The following RBFOX1 variants were observed in gnomAD, a reference collection of about 807,000 sequenced individuals.
RBFOX1 encodes the protein RNA binding fox-1 homolog 1.
RBFOX1 carries 8 observed loss-of-function variants against 57.7 expected under a neutral mutation model. That is an observed-to-expected ratio of 0.14 (90% confidence interval 0.08 to 0.25). RBFOX1 has a LOEUF of 0.25. Among genes scored for constraint, RBFOX1 ranks in the 10% least tolerant of loss-of-function variants. The pLI, the probability that RBFOX1 is intolerant of heterozygous loss-of-function variation, is 1.00. For missense variants in RBFOX1, 611 were observed against 548.5 expected (o/e 1.11, Z -1.14); for synonymous variants, 326 against 222.4 (o/e 1.47, Z -4.15).
intron 12 of RBFOX1, among the ~76,000 whole-genome samples, chr16:7,660,330 G>A (rs56848641): frequency 0.017 from 2,641 of 152,256 alleles, 32 homozygotes; most frequent in South Asian, 0.032. Flanking sequence ...ATGGCTAGAC[G>A]GACCATCTCT....
At chr16:5,671,270 G>A (rs898607486) in intron 3 of RBFOX1, among the ~76,000 whole-genome samples, 1 of 152,180 alleles carries the variant, frequency 6.6e-6, no homozygotes, top group Admixed American at 6.5e-5. Flanking sequence ...TTCACTAAAT[G>A]CGGTTCTGAA....
intron 4 of RBFOX1, among the ~76,000 whole-genome samples, chr16:7,508,011 G>C: frequency 6.6e-6 from 1 of 151,158 alleles, no homozygotes; most frequent in Admixed American, 6.6e-5. Context: ...TTTTGAGATG[G>C]AGTCTCACCC....
intron 3 of RBFOX1, among the ~76,000 whole-genome samples, chr16:6,895,444 G>GTATATATATATATA (rs1341028814): frequency 6.8e-5 from 5 of 73,472 alleles, no homozygotes; most frequent in East Asian, 4.7e-4. Context: ...GTGTGTGTGT[G>GTATATATATATATA]TGTGTATATA....
chr16:7,179,939 C>T (rs936902249), intron 4 of RBFOX1, among the ~76,000 whole-genome samples: 3 of 151,408 alleles, frequency 2.0e-5, no homozygotes, highest in African/African-American at 4.9e-5. Context: ...GATGGGGTTT[C>T]GCCATGTTTG....
intron 2 of RBFOX1, among the ~76,000 whole-genome samples, chr16:5,549,490 C>T (rs574438058): frequency 1.3e-5 from 2 of 152,128 alleles, no homozygotes; most frequent in African/African-American, 2.4e-5. Flanking sequence ...AATGACATAG[C>T]GAGTAAGATA....
intron 4 of RBFOX1, among the ~76,000 whole-genome samples, chr16:7,139,247 T>A (rs1395154624): frequency 1.3e-4 from 19 of 151,744 alleles, no homozygotes; most frequent in Non-Finnish European, 1.5e-5. Context: ...CTCTTCTCTT[T>A]CTTTTTCTAT....
chr16:7,201,077 T>A (rs2088271864), intron 4 of RBFOX1, among the ~76,000 whole-genome samples: 1 of 152,174 alleles, frequency 6.6e-6, no homozygotes, highest in African/African-American at 2.4e-5. Context: ...GAATCACAAA[T>A]ATAAATTTAT....
At chr16:5,686,403 G>T (rs2050506027) in intron 3 of RBFOX1, among the ~76,000 whole-genome samples, 1 of 152,158 alleles carries the variant, frequency 6.6e-6, no homozygotes, top group African/African-American at 2.4e-5. Flanking sequence ...TTTGAGAATA[G>T]AAGAAAGACT....
chr16:5,309,839 A>G (rs1457857105), intron 1 of RBFOX1, among the ~76,000 whole-genome samples: 2 of 152,224 alleles, frequency 1.3e-5, no homozygotes, highest in Non-Finnish European at 2.9e-5. Flanking sequence ...TCTGACCCTC[A>G]AAGACTTTGT....
chr16:6,945,615 G>C (rs986568891), intron 3 of RBFOX1, among the ~76,000 whole-genome samples: 1 of 152,060 alleles, frequency 6.6e-6, no homozygotes, highest in Non-Finnish European at 1.5e-5. Context: ...TGCTGGCTAG[G>C]CTCGGTGGCT....
intron 5 of RBFOX1, among the ~76,000 whole-genome samples, chr16:7,552,913 C>T (rs982931568): frequency 6.6e-6 from 1 of 152,020 alleles, no homozygotes; most frequent in Non-Finnish European, 1.5e-5. Flanking sequence ...AAACTGCCGA[C>T]CTCAGGTGAT....
intron 4 of RBFOX1, among the ~76,000 whole-genome samples, chr16:7,416,874 G>A (rs928750154): frequency 7.2e-5 from 11 of 151,972 alleles, no homozygotes; most frequent in African/African-American, 1.2e-4. Flanking sequence ...TTCAATCCCC[G>A]ACAACAACCC....
intron 2 of RBFOX1, among the ~76,000 whole-genome samples, chr16:6,340,699 G>C (rs1039836248): frequency 1.1e-3 from 173 of 152,256 alleles, no homozygotes; most frequent in Non-Finnish European, 1.1e-3. Context: ...ACTGCAACCT[G>C]TTTTATGAGC....
At chr16:5,722,204 A>G (rs1439181005) in intron 3 of RBFOX1, among the ~76,000 whole-genome samples, 3 of 152,218 alleles carry the variant, frequency 2.0e-5, no homozygotes, top group Admixed American at 2.0e-4. Context: ...TAATTACAGT[A>G]TTTAACTGTT....
chr16:7,384,585 G>C (rs1375973767), intron 4 of RBFOX1, among the ~76,000 whole-genome samples: 1 of 152,168 alleles, frequency 6.6e-6, no homozygotes, highest in Non-Finnish European at 1.5e-5. Flanking sequence ...TTCCCATGGG[G>C]AAATAGGAGG....
intron 1 of RBFOX1, among the ~76,000 whole-genome samples, chr16:6,310,617 T>C (rs939913509): frequency 3.9e-5 from 6 of 152,128 alleles, no homozygotes; most frequent in African/African-American, 1.4e-4. Context: ...ACTAATAAGA[T>C]AACTGACTTT....
At chr16:6,006,618 A>G (rs1292896403) in intron 4 of RBFOX1, among the ~76,000 whole-genome samples, 28 of 152,222 alleles carry the variant, frequency 1.8e-4, no homozygotes. Context: ...CTGTGTGTCC[A>G]TAAATCCCAT....
intron 1 of RBFOX1, among the ~76,000 whole-genome samples, chr16:5,394,350 A>T (rs976225346): frequency 3.9e-5 from 6 of 152,112 alleles, no homozygotes; most frequent in Non-Finnish European, 5.9e-5. Context: ...TGTTTACTGG[A>T]AAATTTTAGG....
At chr16:6,969,768 A>G (rs2085108676) in intron 3 of RBFOX1, among the ~76,000 whole-genome samples, 1 of 151,954 alleles carries the variant, frequency 6.6e-6, no homozygotes, top group South Asian at 2.1e-4. Context: ...AAGGTAACGT[A>G]TCTTAATTGC....
Sources: allele counts gnomAD v4.1 joint callset (sites outside exome capture counted in the v4.1 genomes callset), GRCh38; gene constraint gnomAD v4.1.1; transcripts MANE v1.5; gene names NCBI Gene and HGNC (gene_info 2026-07-23, HGNC 2026-07-21).